The following DENND10 variants were observed in gnomAD, a reference collection of about 807,000 sequenced individuals.
DENND10 encodes DENN domain-containing protein 10.
In DENND10, 24 loss-of-function variants were observed where a neutral mutation model predicts 43.6. The ratio of observed to expected loss-of-function variants is 0.55; its 90% CI spans 0.40 to 0.77. The LOEUF (loss-of-function observed/expected upper bound fraction) is 0.77. Among genes scored for constraint, DENND10 ranks in the 30% least tolerant of loss-of-function variants. The probability of loss-of-function intolerance (pLI) is 0.00; values close to 1 mark genes in which losing one functional copy is unlikely to be tolerated. For synonymous variants in DENND10, 125 were observed against 157.6 expected, an observed-to-expected ratio of 0.79 and a Z score of 1.55; for missense variants, 303 against 429.9, an observed-to-expected ratio of 0.70 and a Z score of 2.61.
intron 3 of DENND10, among the ~76,000 whole-genome samples, chr10:119,115,851 C>T (rs962547763): frequency 6.7e-6 from 1 of 150,276 alleles, no homozygotes; most frequent in African/African-American, 2.5e-5. Context: ...GCAACCTCCT[C>T]TTCCTGGGTT....
chr10:119,105,862 A>G (rs530783554), intron 1 of DENND10, among the ~76,000 whole-genome samples: 2 of 152,126 alleles, frequency 1.3e-5, no homozygotes, highest in African/African-American at 4.8e-5. Context: ...AGCATGGGTG[A>G]CAGAGTGAGA....
chr10:119,135,818 C>CAAAAAAAAAAAAAAAAAAAAAAAAAA (rs1174927246), intron 8 of DENND10, among the ~76,000 whole-genome samples: 9 of 76,484 alleles, frequency 1.2e-4, no homozygotes, highest in Non-Finnish European at 1.1e-4. Context: ...AAAAAAAAAC[C>CAAAAAAAAAAAAAAAAAAAAAAAAAA]AAAACCACAC....
chr10:119,136,439 CAT>C, intron 8 of DENND10, 30 bp from the exon 9 acceptor site: 3 of 1,581,014 alleles, frequency 1.9e-6, no homozygotes, highest in East Asian at 2.2e-5. Flanking sequence ...CGGATACTAA[CAT>C]GTTGCATATA....
intron 4 of DENND10, among the ~76,000 whole-genome samples, 178 bp from the exon 5 acceptor site, chr10:119,120,163 G>A (rs1188335267): frequency 6.6e-6 from 1 of 151,738 alleles, no homozygotes; most frequent in East Asian, 1.9e-4. Flanking sequence ...CAGGAGAATC[G>A]CTTGAGCCCA....
Position 119,117,468 on chromosome 10 carries a change from C to T in DENND10, c.333-51C>T, listed in dbSNP as rs373730572. 20 of 1,591,162 alleles carry T rather than the reference C, an allele frequency of 1.3e-5. No individual in the cohort carries two copies. In the African/African-American group the frequency reaches 2.6e-4, roughly 20 times the overall value. ...ATACCAGCCTGGGTGCACATCTGTA[C>T]ATGATTTGTGCCAAATGAAATCACA... On this transcript the variant is annotated intron_variant, in intron 3 of 8. Transcript: ENST00000361432.
At chr10:119,117,078 C>T (rs994505992) in intron 3 of DENND10, among the ~76,000 whole-genome samples, 17 of 152,108 alleles carry the variant, frequency 1.1e-4, no homozygotes, top group South Asian at 6.2e-4. Context: ...TCAGGCCAAG[C>T]GCAGTAACTC....
At chr10:119,135,731 G>C (rs1248611158) in intron 8 of DENND10, among the ~76,000 whole-genome samples, 1 of 129,238 alleles carries the variant, frequency 7.7e-6, no homozygotes, top group East Asian at 2.4e-4. Flanking sequence ...TGATGGTTGT[G>C]CAACGCTGCA....
intron 6 of DENND10, 184 bp from the exon 7 acceptor site, chr10:119,129,329 TTG>T (rs1316086853): frequency 1.7e-6 from 1 of 584,938 alleles, no homozygotes; most frequent in East Asian, 2.9e-5. Flanking sequence ...ATATCTGGCG[TTG>T]TGTGAATATC....
intron 3 of DENND10, among the ~76,000 whole-genome samples, chr10:119,112,242 G>A (rs1345608157): frequency 6.6e-6 from 1 of 152,098 alleles, no homozygotes; most frequent in African/African-American, 2.4e-5. Flanking sequence ...TTAGTAGGTT[G>A]GATAAGTTAA....
chr10:119,131,224 C>T (rs1181225137), intron 7 of DENND10, among the ~76,000 whole-genome samples: 1 of 152,150 alleles, frequency 6.6e-6, no homozygotes, highest in Non-Finnish European at 1.5e-5. Flanking sequence ...TTTGGGAGGC[C>T]AAGGCGGGTG....
intron 6 of DENND10, among the ~76,000 whole-genome samples, chr10:119,126,174 T>C (rs1428952557): frequency 6.6e-6 from 1 of 152,236 alleles, no homozygotes. Flanking sequence ...ACTGTGTATA[T>C]GCACCACATT....
chr10:119,107,623 C>T (rs146617493), intron 1 of DENND10, among the ~76,000 whole-genome samples: 21 of 152,118 alleles, frequency 1.4e-4, no homozygotes, highest in African/African-American at 5.1e-4. Context: ...AGGCTGGTCT[C>T]GAAGTCCCGA....
intron 4 of DENND10, 94 bp from the exon 5 acceptor site, chr10:119,120,247 C>CA (rs1275384525): frequency 0.012 from 7,495 of 624,480 alleles, no homozygotes; most frequent in Middle Eastern, 0.015. Flanking sequence ...GACTCGGTCT[C>CA]AAAAAAAAAA....
In DENND10 at chr10:119,108,086, C is replaced by T. The variant is rs1363787001; in HGVS notation, c.174C>T (p.Pro58=). The T allele has an allele frequency of 6.2e-7, 1 of 1,613,680 alleles. No individual in the cohort carries two copies. The highest frequency in any genetic ancestry group is 8.5e-7 in the Non-Finnish European group (1 of 1,179,722). Residue 58 remains proline (P), a synonymous_variant, in exon 2 of 9, where the codon CCC becomes CCT. Coordinates refer to ENST00000361432, the MANE Select transcript of DENND10 (RefSeq NM_207009.4). ...CLTDENKLLH[P]FVFGQYRRTW... is the part of the protein sequence containing the mutation. ...CAGATGAAAACAAACTTCTCCATCC[C>T]TTTGTCTTTGGTCAGTACAGAAGAA... is the stretch of plus-strand genomic sequence containing the variant.
intron 1 of DENND10, among the ~76,000 whole-genome samples, chr10:119,105,967 A>T (rs1844677885): frequency 6.6e-6 from 1 of 152,186 alleles, no homozygotes. Flanking sequence ...AGGCTGAGGC[A>T]GGTGGATCAA....
intron 4 of DENND10, among the ~76,000 whole-genome samples, chr10:119,119,308 AT>A (rs1173938798): frequency 6.6e-6 from 1 of 150,746 alleles, no homozygotes; most frequent in Non-Finnish European, 1.5e-5. Context: ...CCGGCCGCTA[AT>A]TTTTGTATTT....
At chr10:119,110,397 G>A (rs187864230) in intron 2 of DENND10, among the ~76,000 whole-genome samples, 220 of 152,086 alleles carry the variant, frequency 1.4e-3, no homozygotes, top group African/African-American at 5.1e-3. Flanking sequence ...TGTCTCATTA[G>A]TGGAAATATT....
At chr10:119,136,107 G>A (rs544291937) in intron 8 of DENND10, among the ~76,000 whole-genome samples, 1 of 152,326 alleles carries the variant, frequency 6.6e-6, no homozygotes, top group East Asian at 1.9e-4. Context: ...GAGCCTGGGA[G>A]GTCGAGGCTG....
Position 119,107,676 on chromosome 10 carries a change from T to C in DENND10, c.56-292T>C, listed in dbSNP as rs572894867. Among the ~76,000 whole-genome samples, 69 of 152,258 alleles carry C rather than the reference T, an allele frequency of 4.5e-4. 4 individuals are homozygous for C. The South Asian group carries it at 0.014, about 32-fold the overall frequency. ...GCCTTGGCCTCCCAAAGTGATGGGA[T>C]TACAAGCATGAGCCATCGTGCCCGG... is the stretch of plus-strand genomic sequence containing the variant. On this transcript the variant is annotated intron_variant, in intron 1 of 8. Coordinates refer to ENST00000361432, the MANE Select transcript of DENND10 (RefSeq NM_207009.4).
Sources: allele counts gnomAD v4.1 joint callset (sites outside exome capture counted in the v4.1 genomes callset), GRCh38; gene constraint gnomAD v4.1.1; transcripts MANE v1.5; gene names NCBI Gene and HGNC (gene_info 2026-07-23, HGNC 2026-07-21).